The following FOXN3 variants were observed in gnomAD, a reference collection of about 807,000 sequenced individuals.
FOXN3 encodes the protein forkhead box N3.
A neutral mutation model predicts 38.4 loss-of-function variants in FOXN3; 7 were observed. The ratio of observed to expected loss-of-function variants is 0.18; its 90% CI spans 0.10 to 0.34. The LOEUF (loss-of-function observed/expected upper bound fraction) is 0.34, where lower values mean the gene tolerates loss of function less well. Ranked by LOEUF, FOXN3 falls within the 10% of genes least tolerant of loss-of-function variation. The pLI is 1.00. For missense variants in FOXN3, 456 were observed against 613.4 expected (o/e 0.74, Z 2.71); for synonymous variants, 230 against 242.2 (o/e 0.95, Z 0.47).
intron 4 of FOXN3, among the ~76,000 whole-genome samples, chr14:89,196,715 C>G (rs1041431588): frequency 1.3e-5 from 2 of 152,184 alleles, no homozygotes; most frequent in Non-Finnish European, 2.9e-5. Context: ...CCTGCCAGGT[C>G]TGTTTCACAG....
chr14:89,555,882 G>GGTGT lies in FOXN3; in HGVS notation c.-15+63145_-15+63146insACAC, dbSNP rs1555360151. On this transcript the variant is annotated intron_variant, in intron 1 of 6. Coordinates refer to the FOXN3 transcript ENST00000345097. ...GTGTGTGTGTGTGTGTGTGTATGTG[G>GGTGT]GGGTGTATGTGGGGGTGTGTGTGTT... Among the ~76,000 whole-genome samples the GGTGT allele has an allele frequency of 1.1e-4, 11 of 104,602 alleles. 1 individual carries two copies. Among genetic ancestry groups the GGTGT allele is most frequent in the Non-Finnish European group, 1.8e-4 (9 of 49,348 alleles). The allele number at this position is 104,602 out of a possible 152,430, so 68.6% of individuals were successfully genotyped here. A position where few individuals can be genotyped will look rare whatever the true frequency, so the allele number is the denominator to read the frequency against.
chr14:89,374,840 G>A (rs1051182030), intron 2 of FOXN3, among the ~76,000 whole-genome samples: 6 of 152,020 alleles, frequency 3.9e-5, no homozygotes, highest in African/African-American at 1.2e-4. Flanking sequence ...AGCCAGGTGT[G>A]GTGGCGCACG....
chr14:89,181,547 C>T (rs1314058599), intron 4 of FOXN3, among the ~76,000 whole-genome samples: 2 of 152,184 alleles, frequency 1.3e-5, no homozygotes, highest in African/African-American at 4.8e-5. Flanking sequence ...CCGGGGTATC[C>T]TCTCAAGCAA....
At chr14:89,341,595 G>A (rs1339427104) in intron 3 of FOXN3, among the ~76,000 whole-genome samples, 2 of 152,090 alleles carry the variant, frequency 1.3e-5, no homozygotes, top group Non-Finnish European at 2.9e-5. Flanking sequence ...CCAGAACTTG[G>A]AGAAGACAAA....
intron 3 of FOXN3, among the ~76,000 whole-genome samples, chr14:89,346,559 C>T (rs980588701): frequency 5.3e-5 from 8 of 152,178 alleles, no homozygotes; most frequent in African/African-American, 1.9e-4. Context: ...GACCACAAAG[C>T]TGAAGTGCCA....
intron 1 of FOXN3, among the ~76,000 whole-genome samples, chr14:89,552,388 T>A (rs141310552): frequency 6.6e-6 from 1 of 152,324 alleles, no homozygotes; most frequent in East Asian, 1.9e-4. Flanking sequence ...GAATAATGTG[T>A]AAATAAGCTG....
At chr14:89,511,108 A>C in intron 1 of FOXN3, among the ~76,000 whole-genome samples, 2 of 149,010 alleles carry the variant, frequency 1.3e-5, no homozygotes, top group Non-Finnish European at 3.0e-5. Flanking sequence ...AGCATCTCAA[A>C]AGACCTGCTT....
intron 2 of FOXN3, 23 bp downstream of exon 2, chr14:89,411,911 G>T: frequency 7.7e-7 from 1 of 1,305,114 alleles, no homozygotes; most frequent in Non-Finnish European, 9.9e-7. Context: ...AGAAAACCTT[G>T]GGTTCCAGAC....
rs1222979276 is a variant in FOXN3 at position 89,163,096 on chromosome 14, C to T, written c.852-127G>A. On this transcript the variant is annotated intron_variant, in intron 5 of 5. Coordinates refer to ENST00000557258, the MANE Select transcript of FOXN3 (RefSeq NM_005197.4). This position sits in a 1 kb window ranked among gnomAD's most constrained non-coding sequence, Gnocchi z 4.3. The stretch of plus-strand genomic sequence containing the variant: ...AGTCCCTTTGTGTTCAATGGAGCCA[C>T]TCGCAAACTGTGGGGGCAACAGGTG... The T allele has an allele frequency of 1.6e-5, 14 of 854,074 alleles. No homozygotes were observed. Among genetic ancestry groups the T allele is most frequent in the Non-Finnish European group, 2.4e-5 (14 of 594,186 alleles). The allele number at this position is 854,074 out of a possible 1,614,324, so 52.9% of individuals were successfully genotyped here.
chr14:89,534,608 A>G (rs1488031239), intron 1 of FOXN3, among the ~76,000 whole-genome samples: 1 of 152,070 alleles, frequency 6.6e-6, no homozygotes, highest in East Asian at 1.9e-4. Context: ...GAAATTAGTC[A>G]CCTTCTAGGC....
At chr14:89,302,306 T>C (rs73325114) in intron 3 of FOXN3, among the ~76,000 whole-genome samples, 10,429 of 152,296 alleles carry the variant, frequency 0.068, 435 homozygotes, top group African/African-American at 0.11. Flanking sequence ...TTCTTGGCCA[T>C]AGTTATGTAA....
chr14:89,413,779 AAG>A (rs1192846101), intron 1 of FOXN3, among the ~76,000 whole-genome samples: 5 of 145,514 alleles, frequency 3.4e-5, no homozygotes, highest in African/African-American at 1.3e-4. Context: ...GAAGGAAAAA[AAG>A]AAGGGAAGGG....
intron 1 of FOXN3, among the ~76,000 whole-genome samples, chr14:89,530,203 G>A (rs1894527606): frequency 6.6e-6 from 1 of 152,160 alleles, no homozygotes; most frequent in African/African-American, 2.4e-5. Flanking sequence ...CTCCCAAAGT[G>A]TTGGGATTAC....
chr14:89,563,582 G>A (rs922671479), intron 1 of FOXN3, among the ~76,000 whole-genome samples: 6 of 152,168 alleles, frequency 3.9e-5, no homozygotes, highest in African/African-American at 1.4e-4. Context: ...CCACAAAGAA[G>A]GGTGATGCAT....
chr14:89,289,569 T>C (rs923022274), intron 3 of FOXN3, among the ~76,000 whole-genome samples: 1 of 152,222 alleles, frequency 6.6e-6, no homozygotes, highest in African/African-American at 2.4e-5. Context: ...AATGACACGG[T>C]AGAAATACAT....
chr14:89,619,023 G>A (rs951527173), intron 1 of FOXN3: 2 of 152,432 alleles, frequency 1.3e-5, no homozygotes, highest in Non-Finnish European at 2.9e-5. Context: ...CCCCATTTTC[G>A]TTACCTTCGA....
At chr14:89,456,888 T>C (rs543800053) in intron 1 of FOXN3, among the ~76,000 whole-genome samples, 2 of 152,334 alleles carry the variant, frequency 1.3e-5, no homozygotes, top group Non-Finnish European at 2.9e-5. Flanking sequence ...TGAGCCCAGG[T>C]CCTTTGTCTG....
intron 1 of FOXN3, among the ~76,000 whole-genome samples, chr14:89,489,564 T>C (rs1252407761): frequency 6.6e-6 from 1 of 152,226 alleles, no homozygotes; most frequent in East Asian, 1.9e-4. Flanking sequence ...ATAGAGCATC[T>C]AGTTATGTTT....
intron 4 of FOXN3, 39 bp from the exon 5 acceptor site, chr14:89,180,845 T>G: frequency 6.6e-7 from 1 of 1,520,672 alleles, no homozygotes; most frequent in Non-Finnish European, 9.0e-7. Context: ...GCACGTGAAT[T>G]CAACTGTGAA....
Sources: gnomAD v4.1 joint callset for allele counts (sites outside exome capture counted in the v4.1 genomes callset) on GRCh38, gnomAD v4.1.1 for gene constraint, Gnocchi (gnomAD v3.1) non-coding constraint, MANE v1.5 for transcripts, NCBI Gene and HGNC (gene_info 2026-07-23, HGNC 2026-07-21) for gene names.